ANO2: variants seen among roughly 807,000 people sequenced by gnomAD.
ANO2 encodes anoctamin 2.
In ANO2, 101 loss-of-function variants were observed where a neutral mutation model predicts 124.2. The ratio of observed to expected loss-of-function variants is 0.81; its 90% CI spans 0.69 to 0.96. The LOEUF is 0.96. ANO2 is among the 40% of genes least tolerant of loss of function. The probability of loss-of-function intolerance (pLI) is 0.00; values close to 1 mark genes in which losing one functional copy is unlikely to be tolerated. For synonymous variants in ANO2, 486 were observed against 482.5 expected (o/e 1.01, Z -0.09); for missense variants, 1,293 against 1,274.5 (o/e 1.01, Z -0.22).
intron 14 of ANO2, among the ~76,000 whole-genome samples, chr12:5,719,348 A>C (rs1950137340): frequency 6.6e-6 from 1 of 152,172 alleles, no homozygotes; most frequent in South Asian, 2.1e-4. Flanking sequence ...CATAACAGTG[A>C]CTGACAGGAC....
Position 5,914,073 on chromosome 12 carries a change from A to G in ANO2, c.534+6967T>C, listed in dbSNP as rs541589991. Among the ~76,000 whole-genome samples the G allele has an allele frequency of 1.2e-4, 19 of 152,138 alleles. No individual in the cohort carries two copies. The South Asian group carries it at 2.9e-3, about 23-fold the overall frequency. On this transcript the variant is annotated intron_variant, in intron 3 of 24. Transcript: ENST00000682330. ...AAATTAGCTGGGCATGGTGTTGTGC[A>G]CCTGTAATCCCAGCTACTCAGGAGG...
intron 9 of ANO2, 147 bp from the exon 10 acceptor site, chr12:5,799,718 C>A (rs185158223): frequency 9.7e-6 from 7 of 721,458 alleles, no homozygotes; most frequent in South Asian, 3.4e-5. Context: ...TGTTCAGAAT[C>A]GGGAGGCTAT....
At chr12:5,577,075 G>A (rs1942454905) in intron 22 of ANO2, among the ~76,000 whole-genome samples, 1 of 152,240 alleles carries the variant, frequency 6.6e-6, no homozygotes, top group African/African-American at 2.4e-5. Context: ...CAGGGCCTCT[G>A]TTCTAACAGA....
At chr12:5,752,691 T>C (rs965875480) in intron 10 of ANO2, among the ~76,000 whole-genome samples, 1 of 152,228 alleles carries the variant, frequency 6.6e-6, no homozygotes. Context: ...TTCACTCTGT[T>C]GATTGTTTCC....
intron 4 of ANO2, among the ~76,000 whole-genome samples, chr12:5,840,748 C>T (rs1351102771): frequency 2.0e-5 from 3 of 152,200 alleles, no homozygotes; most frequent in Non-Finnish European, 2.9e-5. Flanking sequence ...TGTGCTGCAG[C>T]TGGGAGCACA....
At chr12:5,646,414 G>A (rs1946640473) in intron 15 of ANO2, among the ~76,000 whole-genome samples, 1 of 152,052 alleles carries the variant, frequency 6.6e-6, no homozygotes, top group Admixed American at 6.6e-5. Context: ...TACTACTACT[G>A]GAGATAGAAG....
chr12:5,820,672 G>A (rs973852707), intron 7 of ANO2, among the ~76,000 whole-genome samples: 1 of 152,242 alleles, frequency 6.6e-6, no homozygotes, highest in Non-Finnish European at 1.5e-5. Flanking sequence ...AGGGTGTGCA[G>A]AGATTAGTGC....
At chr12:5,625,962 A>G (rs1478899771) in intron 16 of ANO2, among the ~76,000 whole-genome samples, 1 of 152,172 alleles carries the variant, frequency 6.6e-6, no homozygotes. Flanking sequence ...GAAATAAAGC[A>G]TGGAAAGCAT....
rs1166608215 is a variant in ANO2, at chr12:5,793,108, T to C, written c.1055+6399A>G. Among the ~76,000 whole-genome samples the C allele has an allele frequency of 3.3e-5, 5 of 152,272 alleles. 1 individual carries two copies. The highest frequency in any genetic ancestry group is 1.2e-4 in the African/African-American group (5 of 41,544). On this transcript the variant is annotated intron_variant, in intron 10 of 24. Transcript: ENST00000682330. ...ACTGTTGTTGACACAATTGTTGTTT[T>C]CAAATATTTAAAGGGTTGACCTATA...
chr12:5,847,445 C>CTGTG (rs35366359), intron 4 of ANO2, among the ~76,000 whole-genome samples: 17,755 of 144,610 alleles, frequency 0.12, 1,171 homozygotes, highest in East Asian at 0.24. Context: ...CATAACACCT[C>CTGTG]TGTGTGTGTG....
At chr12:5,823,326 G>A (rs1953863522) in intron 7 of ANO2, among the ~76,000 whole-genome samples, 1 of 152,158 alleles carries the variant, frequency 6.6e-6, no homozygotes, top group South Asian at 2.1e-4. Flanking sequence ...CTGCCTATGA[G>A]CCTGTAAAAT....
chr12:5,816,351 T>G (rs1298944593), intron 7 of ANO2, among the ~76,000 whole-genome samples: 1 of 151,816 alleles, frequency 6.6e-6, no homozygotes, highest in Non-Finnish European at 1.5e-5. Flanking sequence ...TAAATAAGAT[T>G]GGTAAGTTCA....
chr12:5,574,452 C>T (rs748646404), intron 23 of ANO2, among the ~76,000 whole-genome samples: 5 of 151,526 alleles, frequency 3.3e-5, no homozygotes, highest in Admixed American at 3.3e-4. Flanking sequence ...TGATTGAAAT[C>T]AAATTCATCA....
chr12:5,693,498 A>G (rs1240234787), intron 14 of ANO2, among the ~76,000 whole-genome samples: 1 of 151,724 alleles, frequency 6.6e-6, no homozygotes, highest in African/African-American at 2.4e-5. Context: ...CTGGCTCCCC[A>G]CTCTGTCCCC....
intron 3 of ANO2, among the ~76,000 whole-genome samples, chr12:5,914,261 T>A (rs555183384): frequency 1.8e-4 from 28 of 152,088 alleles, no homozygotes; most frequent in African/African-American, 6.8e-4. Flanking sequence ...TCCTCTCTGC[T>A]AAATGGGCCT....
At chr12:5,589,389 A>C (rs1156368926) in intron 20 of ANO2, among the ~76,000 whole-genome samples, 4 of 152,062 alleles carry the variant, frequency 2.6e-5, no homozygotes, top group African/African-American at 9.7e-5. Context: ...AATAAGGATA[A>C]CCACCTCTCT....
chr12:5,822,574 A>G (rs891467094), intron 7 of ANO2, among the ~76,000 whole-genome samples: 3 of 152,226 alleles, frequency 2.0e-5, no homozygotes, highest in African/African-American at 7.2e-5. Context: ...CCAATTTGCC[A>G]GCAGCAGAGA....
chr12:5,588,812 A>G (rs967201429), intron 20 of ANO2, among the ~76,000 whole-genome samples: 1 of 152,222 alleles, frequency 6.6e-6, no homozygotes, highest in African/African-American at 2.4e-5. Context: ...GGTGGGTTGC[A>G]TCACTGCAGG....
chr12:5,685,117 G>T (rs994861375), intron 14 of ANO2, among the ~76,000 whole-genome samples: 2 of 152,182 alleles, frequency 1.3e-5, no homozygotes, highest in Non-Finnish European at 2.9e-5. Flanking sequence ...CCTTGGCTCA[G>T]GTATGAGGCA....
Sources: gnomAD v4.1 joint callset for allele counts (sites outside exome capture counted in the v4.1 genomes callset) on GRCh38, gnomAD v4.1.1 for gene constraint, MANE v1.5 for transcripts, NCBI Gene and HGNC (gene_info 2026-07-23, HGNC 2026-07-21) for gene names.